CRTC1: variants seen among roughly 807,000 people sequenced by gnomAD.
CRTC1 encodes CREB-regulated transcription coactivator 1.
CRTC1 carries 18 observed loss-of-function variants against 66.1 expected under a neutral mutation model. The observed-to-expected ratio is 0.27, with a 90% CI of 0.19 to 0.40. The LOEUF is 0.40. Ranked by LOEUF, CRTC1 falls within the 10% of genes least tolerant of loss-of-function variation. The probability of loss-of-function intolerance (pLI) is 1.00; values close to 1 mark genes in which losing one functional copy is unlikely to be tolerated. For missense variants in CRTC1, 669 were observed against 887.9 expected, an observed-to-expected ratio of 0.75 and a Z score of 3.13; for synonymous variants, 416 against 398.8, an observed-to-expected ratio of 1.04 and a Z score of -0.51.
At chr19:18,755,937 T>A (rs2054474427) in intron 6 of CRTC1, among the ~76,000 whole-genome samples, 1 of 152,050 alleles carries the variant, frequency 6.6e-6, no homozygotes, top group East Asian at 1.9e-4. Flanking sequence ...GGGGTCTCAC[T>A]ATGTTGCCCA....
intron 1 of CRTC1, among the ~76,000 whole-genome samples, chr19:18,715,578 C>T (rs774994391): frequency 7.2e-5 from 11 of 152,246 alleles, no homozygotes; most frequent in Non-Finnish European, 1.2e-4. Flanking sequence ...AAAGTAAGTA[C>T]TGTGGTGCAG....
chr19:18,724,257 T>G (rs190385000), intron 1 of CRTC1, among the ~76,000 whole-genome samples: 15 of 152,030 alleles, frequency 9.9e-5, no homozygotes, highest in African/African-American at 3.4e-4. Flanking sequence ...GCGTGGGGTG[T>G]TGTTCTCTGC....
At chr19:18,756,885 C>T (rs765247225) in intron 6 of CRTC1, among the ~76,000 whole-genome samples, 2 of 152,068 alleles carry the variant, frequency 1.3e-5, no homozygotes, top group Non-Finnish European at 2.9e-5. Flanking sequence ...ACGTGATCGC[C>T]GGTGTGCTTT....
Position 18,771,365 on chromosome 19 carries a change from C to A in CRTC1, c.1321-77C>A. The A allele has an allele frequency of 7.7e-7, 1 of 1,297,240 alleles. No individual in the cohort carries two copies. Among genetic ancestry groups the A allele is most frequent in the Non-Finnish European group, 1.1e-6 (1 of 934,604 alleles). The allele number at this position is 1,297,240 out of a possible 1,614,324, so 80.4% of individuals were successfully genotyped here. ...GGGACCTGCCTGGGGGCTGATCAGG[C>A]TGCTCCCGGGAAGCAGGGACTGGAG... is the stretch of plus-strand genomic sequence containing the variant. On this transcript the variant is annotated intron_variant, in intron 10 of 13. Coordinates refer to ENST00000321949, the MANE Select transcript of CRTC1 (RefSeq NM_015321.3). The surrounding 1 kb of genome is among the most constrained non-coding windows in gnomAD (Gnocchi z 4.6).
At position 18,749,776 on chromosome 19, in the gene CRTC1, A is replaced by G; in HGVS notation, c.444-5A>G. The G allele has an allele frequency of 6.2e-7, 1 of 1,613,426 alleles. No individual in the cohort carries two copies. Among genetic ancestry groups the G allele is most frequent in the South Asian group, 1.1e-5 (1 of 91,062 alleles). ...GCTCATTGTCTCTTCCTCCCTCCCCACCAGGACCAATTCTGACTCCGCCCT... is the reference window on the plus strand; with the variant it reads ...GCTCATTGTCTCTTCCTCCCTCCCCGCCAGGACCAATTCTGACTCCGCCCT... On this transcript the variant is annotated splice_region_variant and splice_polypyrimidine_tract_variant and intron_variant, in intron 4 of 13. Coordinates refer to ENST00000321949, the MANE Select transcript of CRTC1 (RefSeq NM_015321.3).
chr19:18,745,419 G>T (rs931923471), intron 2 of CRTC1, among the ~76,000 whole-genome samples: 3 of 152,210 alleles, frequency 2.0e-5, no homozygotes, highest in Non-Finnish European at 4.4e-5. Context: ...GACGTAGGTG[G>T]GGGTAGGAGG....
At chr19:18,686,117 T>C (rs2052678859) in intron 1 of CRTC1, among the ~76,000 whole-genome samples, 1 of 150,604 alleles carries the variant, frequency 6.6e-6, no homozygotes, top group East Asian at 2.0e-4. Flanking sequence ...CCCTAGCCCC[T>C]GGCAAGCACT....
At chr19:18,748,463 C>T (rs1422136816) in intron 4 of CRTC1, among the ~76,000 whole-genome samples, 2 of 147,104 alleles carry the variant, frequency 1.4e-5, no homozygotes, top group African/African-American at 5.0e-5. Flanking sequence ...AAGTGATCCA[C>T]CCATCTCGGC....
At chr19:18,744,178 G>T (rs1404281153) in intron 2 of CRTC1, 1 of 1,608,118 alleles carries the variant, frequency 6.2e-7, no homozygotes, top group Admixed American at 1.7e-5. Flanking sequence ...CCAGGCTGAG[G>T]CCGCGGCGTC....
chr19:18,765,580 G>A (rs1379979043), intron 9 of CRTC1, 52 bp downstream of exon 9: 5 of 1,543,628 alleles, frequency 3.2e-6, no homozygotes, highest in Non-Finnish European at 4.4e-6. Context: ...AAAGGTGGAG[G>A]CCTGGCTCTA....
intron 10 of CRTC1, among the ~76,000 whole-genome samples, chr19:18,769,023 C>T (rs1026855469): frequency 1.3e-5 from 2 of 152,264 alleles, no homozygotes; most frequent in Non-Finnish European, 2.9e-5. Flanking sequence ...CCCCAGATTC[C>T]ACCCAAGGTG....
At chr19:18,767,310 G>C (rs951063462) in intron 9 of CRTC1, among the ~76,000 whole-genome samples, 1 of 151,752 alleles carries the variant, frequency 6.6e-6, no homozygotes, top group Non-Finnish European at 1.5e-5. Flanking sequence ...AGCGATTTTC[G>C]TGCTAGCCTC....
At chr19:18,750,199 C>T (rs1356652537) in intron 5 of CRTC1, among the ~76,000 whole-genome samples, 1 of 152,248 alleles carries the variant, frequency 6.6e-6, no homozygotes, top group Admixed American at 6.5e-5. Context: ...CAAGCCCACG[C>T]AAAGGAGCAT....
At position 18,760,506 on chromosome 19, in the gene CRTC1, T is replaced by G. The variant is rs2054589696; in HGVS notation, c.886+278T>G. On this transcript the variant is annotated intron_variant, in intron 8 of 13. Coordinates refer to ENST00000321949, the MANE Select transcript of CRTC1 (RefSeq NM_015321.3). This position sits in a 1 kb window ranked among gnomAD's most constrained non-coding sequence, Gnocchi z 6.2. ...TTTGGGGAGTCCAGGAGGGAAGCCC[T>G]GGGAGTTTTAACGCAGCTGGGGTGG... Among the ~76,000 whole-genome samples the G allele has an allele frequency of 6.6e-6, 1 of 151,864 alleles. No individual in the cohort carries two copies. The highest frequency in any genetic ancestry group is 1.5e-5 in the Non-Finnish European group (1 of 67,920).
rs117259279 is a variant in CRTC1, at chr19:18,751,887, C to T, written c.539-1613C>T. 1.5e-3 allele frequency among the ~76,000 whole-genome samples: 222 copies of T among 152,086 alleles called. 1 individual carries two copies. The highest frequency in any genetic ancestry group is 0.014 in the Middle Eastern group (4 of 294). On this transcript the variant is annotated intron_variant, in intron 5 of 13. Coordinates refer to ENST00000321949, the MANE Select transcript of CRTC1 (RefSeq NM_015321.3). Reference sequence around the variant, plus strand: ...AGAACATGCAAGCTAGGGCCAGGCGCGGTGGGTCATGCCTGGAATCCCAAC... The same window carrying T: ...AGAACATGCAAGCTAGGGCCAGGCGTGGTGGGTCATGCCTGGAATCCCAAC...
In CRTC1 at chr19:18,728,210, C is replaced by T. The variant is rs147311004; in HGVS notation, c.127-14700C>T. On this transcript the variant is annotated intron_variant, in intron 1 of 13. Transcript: ENST00000321949. Reference sequence around the variant, plus strand: ...CCCTCCCCTGGTGTCCTGGCCCTCCCGGTGAGGTTGCACAGAGGTTGGGAG... The same window carrying T: ...CCCTCCCCTGGTGTCCTGGCCCTCCTGGTGAGGTTGCACAGAGGTTGGGAG... Among the ~76,000 whole-genome samples the T allele has an allele frequency of 8.5e-5, 13 of 152,310 alleles. 1 individual carries two copies. The East Asian group carries it at 1.2e-3, about 14-fold the overall frequency.
intron 8 of CRTC1, among the ~76,000 whole-genome samples, chr19:18,764,843 CAA>C (rs1268811897): frequency 2.6e-5 from 4 of 152,134 alleles, no homozygotes; most frequent in African/African-American, 9.7e-5. Flanking sequence ...TGAAGGAGGG[CAA>C]GATCCACGAG....
chr19:18,722,335 G>A (rs779192455), intron 1 of CRTC1, among the ~76,000 whole-genome samples: 3 of 152,200 alleles, frequency 2.0e-5, no homozygotes, highest in Non-Finnish European at 2.9e-5. Flanking sequence ...GGATTGGAGA[G>A]TATCCCCCAG....
intron 1 of CRTC1, among the ~76,000 whole-genome samples, chr19:18,739,287 C>T (rs1279337187): frequency 6.6e-6 from 1 of 152,254 alleles, no homozygotes; most frequent in Admixed American, 6.5e-5. Context: ...GCTGCTGTGG[C>T]ATCCCAGGAG....
Sources: gnomAD v4.1 joint callset for allele counts (sites outside exome capture counted in the v4.1 genomes callset) on GRCh38, gnomAD v4.1.1 for gene constraint, Gnocchi (gnomAD v3.1) non-coding constraint, MANE v1.5 for transcripts, NCBI Gene and HGNC (gene_info 2026-07-23, HGNC 2026-07-21) for gene names.